CSMD2: variants seen among roughly 807,000 people sequenced by gnomAD.
CSMD2 encodes CUB and Sushi multiple domains 2, also known as CUB and sushi domain-containing protein 2.
Under a neutral mutation model 398.5 loss-of-function variants are expected in CSMD2, and 130 were observed. The ratio of observed to expected loss-of-function variants is 0.33; its 90% CI spans 0.28 to 0.38. CSMD2 has a LOEUF of 0.38. Ranked by LOEUF, CSMD2 falls within the 10% of genes least tolerant of loss-of-function variation. The pLI is 1.00. For synonymous variants in CSMD2, 1,828 were observed against 1,908.5 expected, an observed-to-expected ratio of 0.96 and a Z score of 1.10; for missense variants, 3,829 against 4,764.9, an observed-to-expected ratio of 0.80 and a Z score of 5.78.
At chr1:33,626,668 G>T (rs1004379852) in intron 32 of CSMD2, 87 bp from the exon 33 acceptor site, 2 of 853,086 alleles carry the variant, frequency 2.3e-6, no homozygotes, top group African/African-American at 1.7e-5. Flanking sequence ...AGGAGGGGCT[G>T]CCAGTACCCC....
At chr1:33,948,519 C>T (rs184266111) in intron 3 of CSMD2, among the ~76,000 whole-genome samples, 4 of 152,312 alleles carry the variant, frequency 2.6e-5, no homozygotes, top group East Asian at 1.9e-4. Flanking sequence ...ATTCAGGATG[C>T]GTCTGAACAC....
At position 33,533,447 on chromosome 1, in the gene CSMD2, C is replaced by T. The variant is rs1330692099; in HGVS notation, c.9992-218G>A. On this transcript the variant is annotated intron_variant, in intron 63 of 70. Transcript: ENST00000373381. This position sits in a 1 kb window ranked among gnomAD's most constrained non-coding sequence, Gnocchi z 4.2. ...CATGTGGATATCGGCTTGGTTGACT[C>T]TGAGTTGGGGGAACTTAAGCCTGCA... Among the ~76,000 whole-genome samples the T allele has an allele frequency of 6.6e-6, 1 of 152,102 alleles. No homozygotes were observed. Among genetic ancestry groups the T allele is most frequent in the East Asian group, 1.9e-4 (1 of 5,190 alleles).
At position 33,592,631 on chromosome 1, in the gene CSMD2, T is replaced by C. The variant is rs528520861; in HGVS notation, c.6857-5463A>G. The C allele has an allele frequency of 5.5e-5, 36 of 655,460 alleles. No homozygotes were observed. The African/African-American group carries it at 6.1e-4, about 11-fold the overall frequency. The allele number at this position is 655,460 out of a possible 1,614,324, so 40.6% of individuals were successfully genotyped here. A position where few individuals can be genotyped will look rare whatever the true frequency, so the allele number is the denominator to read the frequency against. On this transcript the variant is annotated intron_variant, in intron 44 of 70. Coordinates refer to ENST00000373381, the MANE Select transcript of CSMD2 (RefSeq NM_001281956.2). ...ACTAAGTGGGCATCTTTCTGCAACCTTCCTAATTGGATAATCACTTTAAAA... is the reference window on the plus strand; with the variant it reads ...ACTAAGTGGGCATCTTTCTGCAACCCTCCTAATTGGATAATCACTTTAAAA...
At chr1:33,782,011 C>T (rs547297156) in intron 12 of CSMD2, among the ~76,000 whole-genome samples, 1 of 152,170 alleles carries the variant, frequency 6.6e-6, no homozygotes, top group East Asian at 1.9e-4. Flanking sequence ...TACTGGAGTG[C>T]CACCTGCCTG....
chr1:34,028,057 G>T (rs1444102542), intron 3 of CSMD2, among the ~76,000 whole-genome samples: 1 of 152,202 alleles, frequency 6.6e-6, no homozygotes, highest in Non-Finnish European at 1.5e-5. Flanking sequence ...GGTGGCTCAT[G>T]CTTGTAATCC....
intron 19 of CSMD2, among the ~76,000 whole-genome samples, chr1:33,721,157 G>C (rs921403829): frequency 1.3e-5 from 2 of 152,192 alleles, no homozygotes; most frequent in African/African-American, 4.8e-5. Flanking sequence ...TTGAAGACCA[G>C]CTGAAGTCTC....
At chr1:33,538,694 G>A (rs1242058189) in intron 60 of CSMD2, among the ~76,000 whole-genome samples, 1 of 152,202 alleles carries the variant, frequency 6.6e-6, no homozygotes, top group African/African-American at 2.4e-5. Context: ...GACAAGTGAA[G>A]AGCAACCAGC....
At chr1:34,083,779 C>T (rs1260162128) in intron 2 of CSMD2, among the ~76,000 whole-genome samples, 6 of 151,956 alleles carry the variant, frequency 3.9e-5, no homozygotes, top group Non-Finnish European at 7.4e-5. Context: ...ATTAGCCAGG[C>T]GTGGGGGCTC....
At chr1:33,765,574 T>G (rs1186395642) in intron 13 of CSMD2, among the ~76,000 whole-genome samples, 1 of 152,216 alleles carries the variant, frequency 6.6e-6, no homozygotes, top group Non-Finnish European at 1.5e-5. Context: ...ACAAATTATA[T>G]TTTAAAAAAT....
intron 1 of CSMD2, among the ~76,000 whole-genome samples, chr1:34,145,401 G>A (rs1231781584): frequency 3.3e-5 from 5 of 152,292 alleles, no homozygotes; most frequent in South Asian, 4.1e-4. Flanking sequence ...CTCCTCACTC[G>A]GCCATGGCTT....
intron 1 of CSMD2, among the ~76,000 whole-genome samples, chr1:34,129,009 CCCCACA>C (rs1461567722): frequency 1.9e-5 from 2 of 103,324 alleles, no homozygotes; most frequent in African/African-American, 6.7e-5. Flanking sequence ...GTGTACCCCC[CCCCACA>C]CACACACACA....
At chr1:33,583,604 T>G in intron 47 of CSMD2, 38 bp downstream of exon 47, 1 of 1,594,634 alleles carries the variant, frequency 6.3e-7, no homozygotes, top group Non-Finnish European at 8.6e-7. Flanking sequence ...GTCCATGTCT[T>G]CTGCAGCAGA....
chr1:34,103,528 C>G (rs1265858858), intron 1 of CSMD2, among the ~76,000 whole-genome samples: 1 of 151,940 alleles, frequency 6.6e-6, no homozygotes, highest in African/African-American at 2.4e-5. Context: ...TTGATCTGAC[C>G]TTGCGATTCG....
intron 13 of CSMD2, among the ~76,000 whole-genome samples, chr1:33,761,978 A>C (rs80328022): frequency 0.019 from 2,868 of 152,232 alleles, 35 homozygotes; most frequent in South Asian, 0.03. Context: ...CCCCTGAGTC[A>C]CCCAAAAGAT....
At chr1:33,856,221 A>G (rs1192180500) in intron 5 of CSMD2, among the ~76,000 whole-genome samples, 1 of 152,208 alleles carries the variant, frequency 6.6e-6, no homozygotes, top group African/African-American at 2.4e-5. Context: ...CCAACCCTTC[A>G]GAGTAGACCG....
chr1:34,010,193 C>G (rs1647201832), intron 3 of CSMD2, among the ~76,000 whole-genome samples: 1 of 152,182 alleles, frequency 6.6e-6, no homozygotes, highest in Admixed American at 6.5e-5. Flanking sequence ...GGCCTCCAGT[C>G]TTTGCTCAGT....
intron 6 of CSMD2, among the ~76,000 whole-genome samples, chr1:33,832,298 T>A (rs539900894): frequency 6.6e-6 from 1 of 151,906 alleles, no homozygotes; most frequent in Admixed American, 6.6e-5. Context: ...AGAACAGAAA[T>A]TATAACAAAC....
chr1:33,934,780 G>C (rs1473520348), intron 4 of CSMD2, among the ~76,000 whole-genome samples: 2 of 148,594 alleles, frequency 1.3e-5, no homozygotes. Context: ...AGGATCATTT[G>C]AGCTCAGGAG....
chr1:33,729,339 T>C (rs1369685707), intron 15 of CSMD2, among the ~76,000 whole-genome samples: 1 of 152,208 alleles, frequency 6.6e-6, no homozygotes. Context: ...TCTCTTCCTG[T>C]GCACCTGTGA....
Sources: allele counts gnomAD v4.1 joint callset (sites outside exome capture counted in the v4.1 genomes callset), GRCh38; gene constraint gnomAD v4.1.1; non-coding constraint Gnocchi (gnomAD v3.1); transcripts MANE v1.5; gene names NCBI Gene and HGNC (gene_info 2026-07-23, HGNC 2026-07-21).